Variants in AP1B1 observed in about 807,000 individuals in gnomAD.
AP1B1 encodes the protein AP-1 complex subunit beta-1.
AP1B1 carries 36 observed loss-of-function variants against 104.3 expected under a neutral mutation model. The ratio of observed to expected loss-of-function variants is 0.35; its 90% confidence interval spans 0.26 to 0.46. The LOEUF is 0.46. Among genes scored for constraint, AP1B1 ranks in the 20% least tolerant of loss-of-function variants. The pLI is 1.00. For synonymous variants in AP1B1, 504 were observed against 517.5 expected, an observed-to-expected ratio of 0.97 and a Z score of 0.35; for missense variants, 901 against 1,247.9, an observed-to-expected ratio of 0.72 and a Z score of 4.19.
rs145864174 is a variant in AP1B1 at position 29,382,340 on chromosome 22, C to T, written c.-28+6084G>A. Among the ~76,000 whole-genome samples, 57 of 152,338 alleles carry T rather than the reference C, an allele frequency of 3.7e-4. No individual in the cohort carries two copies. The East Asian group carries it at 8.3e-3, about 22-fold the overall frequency. On this transcript the variant is annotated intron_variant, in intron 1 of 22. Transcript: ENST00000357586. ...GGGATTACAGGCATGAGCCACGGCACCTGGCCATGCATGTACAACCTTAAG... is the reference window on the plus strand; with the variant it reads ...GGGATTACAGGCATGAGCCACGGCATCTGGCCATGCATGTACAACCTTAAG...
intron 8 of AP1B1, 140 bp downstream of exon 8, chr22:29,351,565 G>T: frequency 8.6e-7 from 1 of 1,156,948 alleles, no homozygotes; most frequent in Non-Finnish European, 1.2e-6. Context: ...TGCTTACGAA[G>T]CCCCATGTCC....
chr22:29,331,574 C>T (rs745918605), intron 18 of AP1B1, 41 bp from the exon 19 acceptor site: 29 of 1,608,758 alleles, frequency 1.8e-5, no homozygotes, highest in African/African-American at 5.3e-5. Context: ...TGGGGCTTGA[C>T]GCCACCTCTG....
chr22:29,354,608 C>T (rs2061926610), intron 7 of AP1B1, 42 bp downstream of exon 7: 2 of 1,585,500 alleles, frequency 1.3e-6, no homozygotes, highest in African/African-American at 1.3e-5. Flanking sequence ...GAAGAGGCTC[C>T]CCGAGGGGTA....
At chr22:29,384,763 G>C (rs1458194635) in intron 1 of AP1B1, among the ~76,000 whole-genome samples, 3 of 152,110 alleles carry the variant, frequency 2.0e-5, no homozygotes, top group Non-Finnish European at 4.4e-5. Flanking sequence ...AGCTACTCTG[G>C]AGGCTAAGGC....
chr22:29,341,872 C>T lies in AP1B1; in HGVS notation c.1537-112G>A. The T allele has an allele frequency of 3.1e-6, 4 of 1,280,352 alleles. No individual in the cohort carries two copies. In the South Asian group the frequency reaches 4.4e-5, roughly 14 times the overall value. 79.3% of individuals were successfully genotyped at this position (1,280,352 alleles called of 1,614,324 possible). On this transcript the variant is annotated intron_variant, in intron 12 of 22. Coordinates refer to ENST00000357586, the MANE Select transcript of AP1B1 (RefSeq NM_001127.4). Reference sequence around the variant, plus strand: ...GCACAGGGGTGGCCAATGGGGACAGCAGTCCTGAGTGCTCCCATGAGCCTG... The same window carrying T: ...GCACAGGGGTGGCCAATGGGGACAGTAGTCCTGAGTGCTCCCATGAGCCTG...
intron 1 of AP1B1, among the ~76,000 whole-genome samples, chr22:29,378,091 C>T (rs2062374737): frequency 6.6e-6 from 1 of 152,120 alleles, no homozygotes; most frequent in Non-Finnish European, 1.5e-5. Context: ...TGGGTTGCCA[C>T]ACATCCCTGC....
chr22:29,363,543 G>C (rs1449304286), intron 2 of AP1B1, among the ~76,000 whole-genome samples: 1 of 152,100 alleles, frequency 6.6e-6, no homozygotes, highest in Non-Finnish European at 1.5e-5. Context: ...AGCTACTCGG[G>C]AGGCTGAGGC....
rs1043239643 is a variant in AP1B1, at chr22:29,339,849, G to C, written c.1999-75C>G. ...AGAAAAAGCCAGGAAGGAAGACAGAGAAACAAGAGAGAGAAGGGAAAGAGG... is the reference window on the plus strand; with the variant it reads ...AGAAAAAGCCAGGAAGGAAGACAGACAAACAAGAGAGAGAAGGGAAAGAGG... On this transcript the variant is annotated intron_variant, in intron 14 of 22. Coordinates refer to ENST00000357586, the MANE Select transcript of AP1B1 (RefSeq NM_001127.4). 20 of 1,463,074 alleles carry C rather than the reference G, an allele frequency of 1.4e-5. No individual in the cohort carries two copies. In the South Asian group the frequency reaches 2.4e-4, roughly 18 times the overall value. The allele number at this position is 1,463,074 out of a possible 1,614,324, so 90.6% of individuals were successfully genotyped here.
chr22:29,369,444 C>T (rs1184770328), intron 1 of AP1B1, among the ~76,000 whole-genome samples: 1 of 152,194 alleles, frequency 6.6e-6, no homozygotes, highest in Non-Finnish European at 1.5e-5. Flanking sequence ...AAAAAAGGCA[C>T]AATTCTACTT....
intron 1 of AP1B1, among the ~76,000 whole-genome samples, chr22:29,383,364 G>A (rs1331114541): frequency 1.3e-5 from 2 of 152,098 alleles, no homozygotes; most frequent in African/African-American, 2.4e-5. Flanking sequence ...TTCCTCTATG[G>A]AACTCAGCTA....
intron 1 of AP1B1, among the ~76,000 whole-genome samples, chr22:29,369,998 C>T (rs2062206846): frequency 6.6e-6 from 1 of 151,998 alleles, no homozygotes; most frequent in Non-Finnish European, 1.5e-5. Context: ...AAGTCACAGA[C>T]TTGAGAGTGT....
intron 7 of AP1B1, among the ~76,000 whole-genome samples, chr22:29,354,348 C>T (rs534394077): frequency 2.6e-5 from 4 of 152,254 alleles, no homozygotes; most frequent in South Asian, 2.1e-4. Flanking sequence ...GCTGACATTT[C>T]GGGCTGGACA....
chr22:29,360,098 G>A (rs1362529476), intron 3 of AP1B1, 139 bp from the exon 4 acceptor site: 2 of 905,572 alleles, frequency 2.2e-6, no homozygotes, highest in South Asian at 2.0e-5. Flanking sequence ...TAAAAGGGAG[G>A]GTTTCAGGTC....
intron 1 of AP1B1, among the ~76,000 whole-genome samples, chr22:29,374,482 T>C (rs565947701): frequency 4.9e-4 from 75 of 152,328 alleles, no homozygotes; most frequent in African/African-American, 1.7e-3. Context: ...AATAGGAGAA[T>C]GGCAGAGGAT....
intron 14 of AP1B1, among the ~76,000 whole-genome samples, chr22:29,340,304 G>C (rs2061695067): frequency 6.6e-6 from 1 of 152,202 alleles, no homozygotes; most frequent in Non-Finnish European, 1.5e-5. Flanking sequence ...CTCAAAGCCA[G>C]GAACACCCTA....
At chr22:29,362,351 CT>C (rs889164304) in intron 3 of AP1B1, among the ~76,000 whole-genome samples, 263 of 145,580 alleles carry the variant, frequency 1.8e-3, no homozygotes, top group Middle Eastern at 7.0e-3. Flanking sequence ...TCCCATTCTT[CT>C]TTTTTTTTTT....
chr22:29,371,035 G>A (rs572705157), intron 1 of AP1B1, among the ~76,000 whole-genome samples: 1 of 152,296 alleles, frequency 6.6e-6, no homozygotes, highest in South Asian at 2.1e-4. Flanking sequence ...GGAGAAAAGT[G>A]AAACGCTTTA....
chr22:29,387,305 C>CTTTTTT (rs1014176421), intron 1 of AP1B1, among the ~76,000 whole-genome samples: 4 of 128,074 alleles, frequency 3.1e-5, no homozygotes, highest in South Asian at 2.5e-4. Context: ...AGCTAAAAAT[C>CTTTTTT]TTTTTTTTTT....
intron 1 of AP1B1, among the ~76,000 whole-genome samples, chr22:29,368,977 T>G (rs1391439605): frequency 3.3e-5 from 5 of 151,840 alleles, no homozygotes; most frequent in Admixed American, 1.3e-4. Context: ...AAGTACAGCC[T>G]TCCAATCCTA....
Sources: allele counts gnomAD v4.1 joint callset (sites outside exome capture counted in the v4.1 genomes callset), GRCh38; gene constraint gnomAD v4.1.1; transcripts MANE v1.5; gene names NCBI Gene and HGNC (gene_info 2026-07-23, HGNC 2026-07-21).